The following SH3RF3 variants were observed in gnomAD, a reference collection of about 807,000 sequenced individuals.
The protein encoded by SH3RF3 is SH3 domain containing ring finger 3.
A neutral mutation model predicts 66.3 loss-of-function variants in SH3RF3; 29 were observed. The observed-to-expected ratio is 0.44, with a 90% CI of 0.33 to 0.60. SH3RF3 has a LOEUF of 0.60. Among genes scored for constraint, SH3RF3 ranks in the 20% least tolerant of loss-of-function variants. SH3RF3 has a pLI of 0.04. For synonymous variants in SH3RF3, 583 were observed against 532.0 expected (o/e 1.10, Z -1.32); for missense variants, 1,194 against 1,190.9 (o/e 1.00, Z -0.04).
At chr2:109,187,276 C>T (rs1198393316) in intron 1 of SH3RF3, among the ~76,000 whole-genome samples, 7 of 152,038 alleles carry the variant, frequency 4.6e-5, no homozygotes, top group Admixed American at 2.6e-4. Flanking sequence ...AAAAACTCTT[C>T]GATCTGATGT....
rs190422187 is a variant in SH3RF3 at position 109,325,827 on chromosome 2, G to A, written c.574-21847G>A. Among the ~76,000 whole-genome samples, 106 of 152,310 alleles carry A rather than the reference G, an allele frequency of 7.0e-4. 1 individual carries two copies. The highest frequency in any genetic ancestry group is 2.4e-3 in the African/African-American group (101 of 41,582). On this transcript the variant is annotated intron_variant, in intron 1 of 9. Transcript: ENST00000309415. The stretch of plus-strand genomic sequence containing the variant: ...TACTGCAGGGCAAAGATGCTGGCCC[G>A]AGCAGGGACCACACCTCCCTTTGTT...
chr2:109,297,512 C>G lies in SH3RF3; in HGVS notation c.574-50162C>G, dbSNP rs546851415. ...CCCCACCAGACCAGTGCCTCCGACC[C>G]AAGTCAGTGCCTCCCACCCAGGCCA... On this transcript the variant is annotated intron_variant, in intron 1 of 9. Coordinates refer to ENST00000309415, the MANE Select transcript of SH3RF3 (RefSeq NM_001099289.3). Among the ~76,000 whole-genome samples the G allele has an allele frequency of 4.4e-3, 668 of 151,778 alleles. 3 individuals carry two copies. Among genetic ancestry groups the G allele is most frequent in the African/African-American group, 0.016 (643 of 41,356 alleles).
intron 1 of SH3RF3, among the ~76,000 whole-genome samples, chr2:109,163,500 G>A (rs1471353425): frequency 1.5e-5 from 2 of 131,460 alleles, no homozygotes; most frequent in East Asian, 2.5e-4. Flanking sequence ...CCGGGTTCAC[G>A]CCATTCTCCT....
intron 1 of SH3RF3, among the ~76,000 whole-genome samples, chr2:109,282,753 C>G (rs1023985458): frequency 2.0e-5 from 3 of 152,144 alleles, no homozygotes; most frequent in Non-Finnish European, 4.4e-5. Context: ...CTCAGAACGG[C>G]CAAAGGAGAA....
At chr2:109,480,260 TC>T (rs1678802854) in intron 8 of SH3RF3, among the ~76,000 whole-genome samples, 1 of 152,192 alleles carries the variant, frequency 6.6e-6, no homozygotes, top group Non-Finnish European at 1.5e-5. Flanking sequence ...AGGCGGCATC[TC>T]CCAGGTGCCC....
In SH3RF3 at chr2:109,490,639, C is replaced by A. The variant is rs1679103765; in HGVS notation, c.2183C>A (p.Ala728Asp). 6.0e-6 allele frequency: 9 copies of A among 1,492,082 alleles called. No homozygotes were observed. Among genetic ancestry groups the A allele is most frequent in the Non-Finnish European group, 8.0e-6 (9 of 1,118,996 alleles). 92.4% of individuals were successfully genotyped at this position (1,492,082 alleles called of 1,614,324 possible). The change falls in exon 9 of 10, where the codon GCC (alanine) becomes GAC (aspartate). Residue 728 changes from alanine (A) to aspartate (D), a missense_variant. Transcript: ENST00000309415. ...EKKSGLLKLL[A>D]GASTKKKSRS... is the part of the protein sequence containing the mutation. ...AAGAGTGGGCTCCTGAAGCTTCTAG[C>A]CGGAGCATCCACCAAGAAGAAGTCA... is the stretch of plus-strand genomic sequence containing the variant.
At chr2:109,148,843 T>C (rs570033746) in intron 1 of SH3RF3, among the ~76,000 whole-genome samples, 6 of 16,730 alleles carry the variant, frequency 3.6e-4, no homozygotes, top group Admixed American at 1.8e-3. Flanking sequence ...CATGGCAGTG[T>C]TTTTTTTTAA....
intron 1 of SH3RF3, among the ~76,000 whole-genome samples, chr2:109,208,329 A>G (rs1218618772): frequency 1.3e-5 from 2 of 152,238 alleles, no homozygotes; most frequent in Non-Finnish European, 2.9e-5. Flanking sequence ...CCTGGGCTCC[A>G]TGGCTGCTTT....
At chr2:109,176,184 C>G (rs1293812898) in intron 1 of SH3RF3, among the ~76,000 whole-genome samples, 1 of 152,066 alleles carries the variant, frequency 6.6e-6, no homozygotes, top group Non-Finnish European at 1.5e-5. Flanking sequence ...CAACATACAA[C>G]CAGTGGGGGA....
intron 1 of SH3RF3, among the ~76,000 whole-genome samples, chr2:109,294,801 G>A (rs192331010): frequency 1.3e-5 from 2 of 152,260 alleles, no homozygotes; most frequent in East Asian, 3.9e-4. Flanking sequence ...AGGAGGTACC[G>A]ACTCAGCCCA....
At chr2:109,347,621 G>A in intron 1 of SH3RF3, 53 bp from the exon 2 acceptor site, 1 of 1,584,484 alleles carries the variant, frequency 6.3e-7, no homozygotes. Flanking sequence ...GATCCACTGT[G>A]GGGCATTGGG....
At chr2:109,340,218 A>G (rs532805756) in intron 1 of SH3RF3, among the ~76,000 whole-genome samples, 15 of 152,246 alleles carry the variant, frequency 9.9e-5, no homozygotes, top group African/African-American at 3.4e-4. Flanking sequence ...TGGACAAGTT[A>G]CTGGACCTCA....
intron 1 of SH3RF3, among the ~76,000 whole-genome samples, chr2:109,163,609 C>T (rs891709723): frequency 2.6e-5 from 4 of 151,452 alleles, no homozygotes; most frequent in African/African-American, 7.3e-5. Context: ...CCGTTTTAGC[C>T]GGGATGGTCT....
chr2:109,345,081 C>T (rs1682654098), intron 1 of SH3RF3, among the ~76,000 whole-genome samples: 1 of 152,170 alleles, frequency 6.6e-6, no homozygotes, highest in Non-Finnish European at 1.5e-5. Flanking sequence ...CCCCGTGACT[C>T]AGGAGTGTGT....
chr2:109,271,427 A>C (rs1382222293), intron 1 of SH3RF3, among the ~76,000 whole-genome samples: 1 of 152,242 alleles, frequency 6.6e-6, no homozygotes, highest in African/African-American at 2.4e-5. Context: ...TGGCTTTTGG[A>C]GTAAGAGTTT....
intron 1 of SH3RF3, among the ~76,000 whole-genome samples, chr2:109,272,196 T>A (rs922565356): frequency 2.6e-5 from 4 of 152,226 alleles, no homozygotes; most frequent in Admixed American, 6.5e-5. Context: ...CACAGCCCTC[T>A]GCAATGACTG....
chr2:109,375,703 C>T (rs1267631204), intron 3 of SH3RF3, among the ~76,000 whole-genome samples: 1 of 152,254 alleles, frequency 6.6e-6, no homozygotes, highest in African/African-American at 2.4e-5. Flanking sequence ...TCTGCCCTCT[C>T]TGTGGCATGA....
At chr2:109,481,121 G>A (rs577900771) in intron 8 of SH3RF3, among the ~76,000 whole-genome samples, 1 of 152,214 alleles carries the variant, frequency 6.6e-6, no homozygotes, top group Non-Finnish European at 1.5e-5. Context: ...AGAAAGGCAG[G>A]AGAAGAAACC....
At chr2:109,477,897 C>A (rs1678730790) in intron 8 of SH3RF3, among the ~76,000 whole-genome samples, 1 of 152,218 alleles carries the variant, frequency 6.6e-6, no homozygotes, top group Non-Finnish European at 1.5e-5. Context: ...CATGTGCATT[C>A]AAGTGCAGCA....
Sources: gnomAD v4.1 joint callset for allele counts (sites outside exome capture counted in the v4.1 genomes callset) on GRCh38, gnomAD v4.1.1 for gene constraint, MANE v1.5 for transcripts, NCBI Gene and HGNC (gene_info 2026-07-23, HGNC 2026-07-21) for gene names.